CSNK1D: variants seen among roughly 807,000 people sequenced by gnomAD.
The protein encoded by CSNK1D is casein kinase 1 delta, also known as casein kinase I isoform delta.
Under a neutral mutation model 46.6 loss-of-function variants are expected in CSNK1D, and 16 were observed. The ratio of observed to expected loss-of-function variants is 0.34; its 90% CI spans 0.23 to 0.52. The LOEUF (loss-of-function observed/expected upper bound fraction) is 0.52. Among genes scored for constraint, CSNK1D ranks in the 20% least tolerant of loss-of-function variants. CSNK1D has a pLI of 0.95. For synonymous variants in CSNK1D, 276 were observed against 228.2 expected (o/e 1.21, Z -1.89); for missense variants, 398 against 578.4 (o/e 0.69, Z 3.20).
chr17:82,259,994 T>G (rs1315573447), intron 2 of CSNK1D, among the ~76,000 whole-genome samples: 3 of 150,890 alleles, frequency 2.0e-5, no homozygotes, highest in Non-Finnish European at 4.4e-5. Context: ...GATGGTGTAC[T>G]GAGTGATGTG....
chr17:82,272,311 T>G (rs1428929927), intron 1 of CSNK1D: 2 of 150,440 alleles, frequency 1.3e-5, no homozygotes, highest in African/African-American at 5.0e-5. Context: ...GCCATTGCAC[T>G]CCAACCTGGG....
rs2050788262 is a variant in CSNK1D at position 82,243,987 on chromosome 17, G to A, written c.*794C>T. On this transcript the variant is annotated 3_prime_UTR_variant, in exon 9 of 9. Coordinates refer to ENST00000314028, the MANE Select transcript of CSNK1D (RefSeq NM_001893.6). ...GAAGAAGCGCGCAGTGCTTTGCCTG[G>A]TAACACCCACTGCACCCCTGCCCCG... 2.0e-6 allele frequency: 2 copies of A among 986,564 alleles called. No individual in the cohort carries two copies. The highest frequency in any genetic ancestry group is 2.4e-6 in the Non-Finnish European group (2 of 830,750). The allele number at this position is 986,564 out of a possible 1,614,324, so 61.1% of individuals were successfully genotyped here.
In CSNK1D at chr17:82,249,232, G is replaced by A. The variant is rs577354582; in HGVS notation, c.1057+199C>T. The A allele has an allele frequency of 5.3e-4, 399 of 759,796 alleles. 4 individuals carry two copies. In the South Asian group the frequency reaches 7.0e-3, roughly 13 times the overall value. 47.1% of individuals were successfully genotyped at this position (759,796 alleles called of 1,614,324 possible). The stretch of plus-strand genomic sequence containing the variant: ...TCACAGGGGAGGAACGTGAGATGCG[G>A]GAGGAATCACGCACACCAGCAGGTG... On this transcript the variant is annotated intron_variant, in intron 7 of 8. Coordinates refer to ENST00000314028, the MANE Select transcript of CSNK1D (RefSeq NM_001893.6). This position sits in a 1 kb window ranked among gnomAD's most constrained non-coding sequence, Gnocchi z 6.7.
At chr17:82,239,169 C>A, downstream of CSNK1D, 1 of 535,976 alleles carries the variant, frequency 1.9e-6, no homozygotes, top group Non-Finnish European at 3.1e-6. Flanking sequence ...CAGAGTGGAT[C>A]TGCGGTGAAG....
intron 8 of CSNK1D, among the ~76,000 whole-genome samples, chr17:82,245,817 C>T (rs2050835975): frequency 6.6e-6 from 1 of 152,220 alleles, no homozygotes; most frequent in Non-Finnish European, 1.5e-5. Context: ...GGACTGCCGC[C>T]GCTCTGCACC....
chr17:82,244,701 G>A lies in CSNK1D; in HGVS notation c.*80C>T, dbSNP rs1366114093. 3.7e-6 allele frequency: 6 copies of A among 1,609,490 alleles called. No homozygotes were observed. Among genetic ancestry groups the A allele is most frequent in the East Asian group, 2.2e-5 (1 of 44,870 alleles). On this transcript the variant is annotated 3_prime_UTR_variant, in exon 9 of 9. Coordinates refer to ENST00000314028, the MANE Select transcript of CSNK1D (RefSeq NM_001893.6). The stretch of plus-strand genomic sequence containing the variant: ...TTAACATTTCGATCCTAGACCGGGG[G>A]ACGTGTCACTAGTAAAGCCATTGGT...
At chr17:82,245,939 G>T in intron 8 of CSNK1D, 1 of 1,573,844 alleles carries the variant, frequency 6.4e-7, no homozygotes, top group South Asian at 1.2e-5. Context: ...CCACCCACCT[G>T]GCGCTGCTGC....
chr17:82,245,351 G>A (rs777962838), intron 8 of CSNK1D: 7 of 250,224 alleles, frequency 2.8e-5, no homozygotes, highest in South Asian at 4.7e-5. Flanking sequence ...ATGCACCGAC[G>A]GCGGGGAGTG....
rs772440745 is a variant in CSNK1D, at chr17:82,251,372, G to A, written c.885+7C>T. On this transcript the variant is annotated splice_region_variant and intron_variant, in intron 6 of 8. Transcript: ENST00000314028. This position sits in a 1 kb window ranked among gnomAD's most constrained non-coding sequence, Gnocchi z 4.5. ...CACTCAGCGAACGTGCTGGCAGTGC[G>A]ACTTACAAATTTGAGCATGTTCCAG... is the stretch of plus-strand genomic sequence containing the variant. The A allele has an allele frequency of 2.2e-5, 35 of 1,613,882 alleles. No individual in the cohort carries two copies. The highest frequency in any genetic ancestry group is 4.0e-5 in the African/African-American group (3 of 74,890).
In CSNK1D at chr17:82,248,711, G is replaced by A. The variant is rs1319849413; in HGVS notation, c.1197+164C>T. 9.6e-6 allele frequency: 14 copies of A among 1,456,438 alleles called. No homozygotes were observed. The highest frequency in any genetic ancestry group is 1.3e-5 in the Non-Finnish European group (14 of 1,105,208). The allele number at this position is 1,456,438 out of a possible 1,614,324, so 90.2% of individuals were successfully genotyped here. A position where few individuals can be genotyped will look rare whatever the true frequency, so the allele number is the denominator to read the frequency against. On this transcript the variant is annotated intron_variant, in intron 8 of 8. Transcript: ENST00000314028. This position sits in a 1 kb window ranked among gnomAD's most constrained non-coding sequence, Gnocchi z 4.1. ...CCCAGCATGTCTCCCAGGCCCTCCC[G>A]AGAAGCCTCATCTGCAACCAAGACG... is the stretch of plus-strand genomic sequence containing the variant.
At chr17:82,270,897 T>C (rs1206286261) in intron 1 of CSNK1D, among the ~76,000 whole-genome samples, 2 of 152,178 alleles carry the variant, frequency 1.3e-5, no homozygotes, top group Non-Finnish European at 2.9e-5. Context: ...CATGACTGTA[T>C]GCCCAGCGCG....
downstream of CSNK1D, chr17:82,239,472 T>G: frequency 6.0e-6 from 1 of 167,676 alleles, no homozygotes; most frequent in Non-Finnish European, 1.3e-5. Flanking sequence ...GTGGGTGGAG[T>G]GTTAGGACCA....
In CSNK1D at chr17:82,252,226, C is replaced by G. The variant is rs892357477; in HGVS notation, c.736+208G>C. ...CTCCAGGGCCTCCAAGTACTCCCCA[C>G]GCTGATGGGCACTTGGCAAGTAAGT... On this transcript the variant is annotated intron_variant, in intron 5 of 8. Transcript: ENST00000314028. This position sits in a 1 kb window ranked among gnomAD's most constrained non-coding sequence, Gnocchi z 4.6. Among the ~76,000 whole-genome samples, 8 of 152,332 alleles carry G rather than the reference C, an allele frequency of 5.3e-5. No individual in the cohort carries two copies. The highest frequency in any genetic ancestry group is 5.9e-5 in the Non-Finnish European group (4 of 68,024).
rs1160546289 is a variant in CSNK1D at position 82,255,117 on chromosome 17, G to C, written c.336+312C>G. On this transcript the variant is annotated intron_variant, in intron 3 of 8. Coordinates refer to ENST00000314028, the MANE Select transcript of CSNK1D (RefSeq NM_001893.6). This position sits in a 1 kb window ranked among gnomAD's most constrained non-coding sequence, Gnocchi z 5.9. ...GCCGCCGGAGCCTCGAGAAGCCAGT[G>C]AGCTGAGCCGTCGGAGCCTCCAGAA... The C allele has an allele frequency of 1.2e-5, 5 of 409,584 alleles. No individual in the cohort carries two copies. In the Admixed American group the frequency reaches 1.5e-4, roughly 12 times the overall value. The allele number at this position is 409,584 out of a possible 1,614,324, so 25.4% of individuals were successfully genotyped here.
In CSNK1D at chr17:82,248,558, G is replaced by C. The variant is rs953771742; in HGVS notation, c.1197+317C>G. On this transcript the variant is annotated intron_variant, in intron 8 of 8. Transcript: ENST00000314028. The surrounding 1 kb of genome is among the most constrained non-coding windows in gnomAD (Gnocchi z 4.1). ...GGGCGCAAGCAGGCGAGCGGTGTCA[G>C]CTGCCTGGGGACGGCTGCGGGCAGC... The C allele has an allele frequency of 5.8e-6, 7 of 1,209,182 alleles. No homozygotes were observed. The East Asian group carries it at 3.0e-4, about 52-fold the overall frequency. 74.9% of individuals were successfully genotyped at this position (1,209,182 alleles called of 1,614,324 possible).
chr17:82,250,235 C>T lies in CSNK1D; in HGVS notation c.886-633G>A, dbSNP rs2050967098. On this transcript the variant is annotated intron_variant, in intron 6 of 8. Coordinates refer to ENST00000314028, the MANE Select transcript of CSNK1D (RefSeq NM_001893.6). The surrounding 1 kb of genome is among the most constrained non-coding windows in gnomAD (Gnocchi z 4.6). ...CTGTGCGGCAGGGGCCTGCAAACTA[C>T]AGCCCCGGGGCCAAACCCAGGTGCC... 4 of 1,287,982 alleles carry T rather than the reference C, an allele frequency of 3.1e-6. No homozygotes were observed. Among genetic ancestry groups the T allele is most frequent in the South Asian group, 1.2e-5 (1 of 80,968 alleles). The allele number at this position is 1,287,982 out of a possible 1,614,324, so 79.8% of individuals were successfully genotyped here. A position where few individuals can be genotyped will look rare whatever the true frequency, so the allele number is the denominator to read the frequency against.
rs777550967 is a variant in CSNK1D at position 82,250,123 on chromosome 17, C to T, written c.886-521G>A. ...CCAGCAGCCGGCAGCCGGATCTGTG[C>T]TGCACTATCCAGATGCACGGGGGTG... On this transcript the variant is annotated intron_variant, in intron 6 of 8. Transcript: ENST00000314028. The surrounding 1 kb of genome is among the most constrained non-coding windows in gnomAD (Gnocchi z 4.6). 7.7e-7 allele frequency: 1 copy of T among 1,290,686 alleles called. No homozygotes were observed. The highest frequency in any genetic ancestry group is 5.5e-5 in the East Asian group (1 of 18,076). 80.0% of individuals were successfully genotyped at this position (1,290,686 alleles called of 1,614,324 possible).
Position 82,250,789 on chromosome 17 carries a change from G to A in CSNK1D, c.885+590C>T, listed in dbSNP as rs184535306. On this transcript the variant is annotated intron_variant, in intron 6 of 8. Coordinates refer to ENST00000314028, the MANE Select transcript of CSNK1D (RefSeq NM_001893.6). This position sits in a 1 kb window ranked among gnomAD's most constrained non-coding sequence, Gnocchi z 4.6. ...TTTAAAACTGACAACAAAACAGTAA[G>A]TTTTTAATGAAGGAACACAACAGTT... The A allele has an allele frequency of 3.4e-4, 57 of 168,334 alleles. No homozygotes were observed. Among genetic ancestry groups the A allele is most frequent in the African/African-American group, 1.3e-3 (53 of 41,750 alleles). 10.4% of individuals were successfully genotyped at this position (168,334 alleles called of 1,614,324 possible). A position where few individuals can be genotyped will look rare whatever the true frequency, so the allele number is the denominator to read the frequency against.
Position 82,251,849 on chromosome 17 carries a change from T to G in CSNK1D, c.737-322A>C. On this transcript the variant is annotated intron_variant, in intron 5 of 8. Transcript: ENST00000314028. This position sits in a 1 kb window ranked among gnomAD's most constrained non-coding sequence, Gnocchi z 4.5. The stretch of plus-strand genomic sequence containing the variant: ...ACTGAAAAAAAAAAAAAAAAAGTTC[T>G]AGAGCGTGGTGGCGGGCGCCTGTAG... 1 of 359,888 alleles carries G rather than the reference T, an allele frequency of 2.8e-6. No individual in the cohort carries two copies. Among genetic ancestry groups the G allele is most frequent in the Non-Finnish European group, 5.3e-6 (1 of 189,968 alleles). The allele number at this position is 359,888 out of a possible 1,614,324, so 22.3% of individuals were successfully genotyped here. A position where few individuals can be genotyped will look rare whatever the true frequency, so the allele number is the denominator to read the frequency against.
Sources: allele counts gnomAD v4.1 joint callset (sites outside exome capture counted in the v4.1 genomes callset), GRCh38; gene constraint gnomAD v4.1.1; non-coding constraint Gnocchi (gnomAD v3.1); transcripts MANE v1.5; gene names NCBI Gene and HGNC (gene_info 2026-07-23, HGNC 2026-07-21).